The following PABPC4L variants were observed in gnomAD, a reference collection of about 807,000 sequenced individuals.
PABPC4L encodes the protein poly(A) binding protein cytoplasmic 4 like, also known as polyadenylate-binding protein 4-like.
For synonymous variants in PABPC4L, 169 were observed against 164.1 expected (o/e 1.03, Z -0.23); for missense variants, 452 against 451.4 (o/e 1.00, Z -0.01).
At chr4:134,114,726 T>G in the PABPC4L span, among the ~76,000 whole-genome samples, 1 of 151,854 alleles carries the variant, frequency 6.6e-6, no homozygotes, top group Non-Finnish European at 1.5e-5. Context: ...ATTCAAACTT[T>G]TATGTGAAGG....
At chr4:134,179,652 G>C in the PABPC4L span, among the ~76,000 whole-genome samples, 5 of 152,028 alleles carry the variant, frequency 3.3e-5, no homozygotes, top group African/African-American at 1.2e-4. Flanking sequence ...CATCTCACAT[G>C]CAATGACACC....
At chr4:133,964,769 G>A in the PABPC4L span, among the ~76,000 whole-genome samples, 1 of 151,914 alleles carries the variant, frequency 6.6e-6, no homozygotes, top group Admixed American at 6.6e-5. Flanking sequence ...ATCCAGTGTT[G>A]CTTTATGATT....
the PABPC4L span, among the ~76,000 whole-genome samples, chr4:133,992,492 G>A: frequency 6.6e-6 from 1 of 152,164 alleles, no homozygotes; most frequent in Non-Finnish European, 1.5e-5. Flanking sequence ...TGGGAGGATA[G>A]TGGAGTGATA....
chr4:134,093,428 C>T, the PABPC4L span, among the ~76,000 whole-genome samples: 1 of 151,658 alleles, frequency 6.6e-6, no homozygotes, highest in Non-Finnish European at 1.5e-5. Flanking sequence ...AGTTGTTTAA[C>T]ATAATCCATT....
At chr4:134,064,956 A>G in the PABPC4L span, among the ~76,000 whole-genome samples, 6 of 152,016 alleles carry the variant, frequency 3.9e-5, no homozygotes, top group Non-Finnish European at 5.9e-5. Flanking sequence ...GTAGTATCCC[A>G]TGGTCTATAT....
the PABPC4L span, among the ~76,000 whole-genome samples, chr4:134,178,770 G>T: frequency 1.3e-5 from 2 of 152,068 alleles, no homozygotes; most frequent in Non-Finnish European, 2.9e-5. Context: ...ATTAACAGCA[G>T]TATCAACTGA....
the PABPC4L span, among the ~76,000 whole-genome samples, chr4:134,109,620 C>T: frequency 1.1e-4 from 17 of 151,594 alleles, no homozygotes; most frequent in South Asian, 2.1e-4. Flanking sequence ...CTAAAGACTC[C>T]CACTGATAAA....
the PABPC4L span, among the ~76,000 whole-genome samples, chr4:134,025,893 A>T: frequency 9.4e-3 from 1,431 of 152,242 alleles, 10 homozygotes; most frequent in Non-Finnish European, 0.017. Context: ...CATTTGAAGG[A>T]AAATTAAGGT....
chr4:134,135,046 C>T, the PABPC4L span, among the ~76,000 whole-genome samples: 1 of 152,068 alleles, frequency 6.6e-6, no homozygotes, highest in East Asian at 1.9e-4. Context: ...CGAATTAATA[C>T]ATATACTAAA....
At chr4:134,055,637 T>A in the PABPC4L span, among the ~76,000 whole-genome samples, 5 of 151,652 alleles carry the variant, frequency 3.3e-5, no homozygotes, top group Admixed American at 6.6e-5. Flanking sequence ...GTGGTTTTTT[T>A]TTTTTTTTTG....
At chr4:134,119,938 T>G in the PABPC4L span, among the ~76,000 whole-genome samples, 2 of 151,696 alleles carry the variant, frequency 1.3e-5, no homozygotes, top group Non-Finnish European at 1.5e-5. Context: ...TCTGAGTGAA[T>G]AGATCACATT....
the PABPC4L span, among the ~76,000 whole-genome samples, chr4:134,179,532 T>C: frequency 6.6e-6 from 1 of 152,048 alleles, no homozygotes; most frequent in Non-Finnish European, 1.5e-5. Flanking sequence ...AATTCACACA[T>C]ATCAATGGTA....
the PABPC4L span, among the ~76,000 whole-genome samples, chr4:133,980,545 C>T: frequency 0.038 from 5,817 of 152,166 alleles, 372 homozygotes; most frequent in African/African-American, 0.13. Context: ...CACACACACA[C>T]GAGACAGGGA....
At chr4:133,975,421 C>A in the PABPC4L span, among the ~76,000 whole-genome samples, 1 of 151,882 alleles carries the variant, frequency 6.6e-6, no homozygotes. Flanking sequence ...AATGGTAGCA[C>A]CACCTTCTGA....
chr4:133,978,670 T>A, the PABPC4L span, among the ~76,000 whole-genome samples: 1 of 152,138 alleles, frequency 6.6e-6, no homozygotes, highest in South Asian at 2.1e-4. Context: ...AAAACTGGCC[T>A]CTCTGTTAGG....
chr4:133,979,404 A>G, the PABPC4L span, among the ~76,000 whole-genome samples: 1 of 152,216 alleles, frequency 6.6e-6, no homozygotes, highest in African/African-American at 2.4e-5. Flanking sequence ...CCTGAGAACA[A>G]TGAGTGGAAG....
chr4:134,159,003 GA>G, the PABPC4L span, among the ~76,000 whole-genome samples: 1 of 152,036 alleles, frequency 6.6e-6, no homozygotes. Flanking sequence ...TTGATACATA[GA>G]AAAAGCACGG....
Position 134,200,647 on chromosome 4 carries a change from G to C in PABPC4L, c.373C>G (p.Leu125Val). Residue 125 changes from leucine (L) to valine (V), a missense_variant, in exon 2 of 2, where the codon CTT (leucine) becomes GTT (valine). Coordinates refer to ENST00000421491, the MANE Select transcript of PABPC4L (RefSeq NM_001114734.2). ...TCATCACTCATCACCTTGGAGGAAAGGATCTTTCCAAAAGCTGAAAAATGT... is the reference window on the plus strand; with the variant it reads ...TCATCACTCATCACCTTGGAGGAAACGATCTTTCCAAAAGCTGAAAAATGT... ...YEHFSAFGKI[L>V]SSKVMSDDQG... is the part of the protein sequence containing the mutation. The C allele has an allele frequency of 6.4e-7, 1 of 1,551,642 alleles. No homozygotes were observed. The highest frequency in any genetic ancestry group is 8.7e-7 in the Non-Finnish European group (1 of 1,146,958).
At chr4:134,001,639 G>A in the PABPC4L span, among the ~76,000 whole-genome samples, 1 of 152,010 alleles carries the variant, frequency 6.6e-6, no homozygotes, top group Non-Finnish European at 1.5e-5. Context: ...TATTAATATA[G>A]GGAAATAGAA....
Sources: gnomAD v4.1 joint callset for allele counts (sites outside exome capture counted in the v4.1 genomes callset) on GRCh38, gnomAD v4.1.1 for gene constraint, MANE v1.5 for transcripts, NCBI Gene and HGNC (gene_info 2026-07-23, HGNC 2026-07-21) for gene names.